SPTLC3: variants seen among roughly 807,000 people sequenced by gnomAD.
SPTLC3 encodes serine palmitoyltransferase long chain base subunit 3.
SPTLC3 carries 36 observed loss-of-function variants against 59.3 expected under a neutral mutation model. The observed-to-expected ratio is 0.61, with a 90% confidence interval of 0.47 to 0.80. SPTLC3 has a LOEUF of 0.80. SPTLC3 is among the 30% of genes least tolerant of loss of function. The pLI is 0.00. For missense variants in SPTLC3, 625 were observed against 685.1 expected (o/e 0.91, Z 0.98); for synonymous variants, 257 against 240.8 (o/e 1.07, Z -0.62).
At chr20:13,015,537 G>A (rs1473112624) in intron 1 of SPTLC3, among the ~76,000 whole-genome samples, 1 of 152,178 alleles carries the variant, frequency 6.6e-6, no homozygotes, top group East Asian at 1.9e-4. Context: ...ACATGTAGAG[G>A]AAGACTCAGG....
chr20:13,117,765 G>A (rs368785202), intron 8 of SPTLC3, 40 bp downstream of exon 8: 81 of 1,549,624 alleles, frequency 5.2e-5, no homozygotes, highest in Admixed American at 5.8e-5. Context: ...AAACCTGAGC[G>A]CCCTGGGGAT....
At chr20:13,083,272 T>C (rs1262718731) in intron 4 of SPTLC3, among the ~76,000 whole-genome samples, 1 of 152,272 alleles carries the variant, frequency 6.6e-6, no homozygotes, top group East Asian at 1.9e-4. Context: ...GGTAAAGATG[T>C]GTATATTCCT....
intron 11 of SPTLC3, 79 bp from the exon 12 acceptor site, chr20:13,164,675 C>A: frequency 9.8e-7 from 1 of 1,018,162 alleles, no homozygotes; most frequent in Non-Finnish European, 1.5e-6. Context: ...CTTTGTGAGG[C>A]TTGCTATTAA....
At chr20:13,012,386 A>G (rs530887979) in intron 1 of SPTLC3, among the ~76,000 whole-genome samples, 7 of 152,138 alleles carry the variant, frequency 4.6e-5, no homozygotes, top group Non-Finnish European at 1.0e-4. Context: ...TTTTTTCACC[A>G]ATACTTATTA....
At chr20:13,064,925 A>G (rs889793193) in intron 2 of SPTLC3, among the ~76,000 whole-genome samples, 2 of 152,140 alleles carry the variant, frequency 1.3e-5, no homozygotes, top group African/African-American at 4.8e-5. Flanking sequence ...CACAATTTTT[A>G]ATCATGACAT....
At chr20:13,095,946 G>A (rs1989396718) in intron 6 of SPTLC3, among the ~76,000 whole-genome samples, 1 of 152,100 alleles carries the variant, frequency 6.6e-6, no homozygotes, top group Non-Finnish European at 1.5e-5. Flanking sequence ...AAAGTGATAA[G>A]TAATATCTTA....
Position 13,093,549 on chromosome 20 carries a change from T to G in SPTLC3, c.798T>G (p.Gly266=), listed in dbSNP as rs771123243. Residue 266 remains glycine, a synonymous_variant, in exon 6 of 12, where the codon GGT becomes GGG. Coordinates refer to ENST00000399002, the MANE Select transcript of SPTLC3 (RefSeq NM_018327.4). The part of the protein sequence containing the change: ...TSLVLGARLS[G]ATIRIFKHNN... ...TTGTGCTTGGGGCCCGACTCTCAGG[T>G]GCAACCATAAGAATCTTCAAACACA... 2 of 1,613,530 alleles carry G rather than the reference T, an allele frequency of 1.2e-6. No individual in the cohort carries two copies. Among genetic ancestry groups the G allele is most frequent in the Non-Finnish European group, 1.7e-6 (2 of 1,179,528 alleles).
intron 4 of SPTLC3, among the ~76,000 whole-genome samples, chr20:13,077,668 C>T (rs1988694315): frequency 6.6e-6 from 1 of 151,992 alleles, no homozygotes; most frequent in South Asian, 2.1e-4. Context: ...AGCTAGTAAA[C>T]TGGGCAACCA....
chr20:13,019,227 T>C (rs1474698919), intron 1 of SPTLC3, among the ~76,000 whole-genome samples: 2 of 152,184 alleles, frequency 1.3e-5, no homozygotes, highest in African/African-American at 4.8e-5. Context: ...TTTCCAACTT[T>C]TAAAAGAAGC....
intron 5 of SPTLC3, among the ~76,000 whole-genome samples, chr20:13,091,601 A>G (rs957287420): frequency 1.0e-4 from 15 of 150,604 alleles, no homozygotes; most frequent in Admixed American, 2.0e-4. Context: ...AAGAAGAAGT[A>G]TGGCTGAGAA....
chr20:13,044,394 G>A (rs560740207), intron 1 of SPTLC3, among the ~76,000 whole-genome samples: 30 of 152,170 alleles, frequency 2.0e-4, no homozygotes, highest in African/African-American at 7.0e-4. Flanking sequence ...GAGCCACAGC[G>A]CCCAGCTGAT....
intron 8 of SPTLC3, among the ~76,000 whole-genome samples, chr20:13,118,639 A>C (rs533021705): frequency 5.9e-5 from 9 of 152,258 alleles, no homozygotes; most frequent in African/African-American, 2.2e-4. Flanking sequence ...TGTCCCAAAG[A>C]GCAGATGTGA....
chr20:13,159,998 T>G lies in SPTLC3; in HGVS notation c.1416-5T>G. 6.3e-7 allele frequency: 1 copy of G among 1,597,902 alleles called. No homozygotes were observed. The highest frequency in any genetic ancestry group is 8.5e-7 in the Non-Finnish European group (1 of 1,170,690). On this transcript the variant is annotated splice_polypyrimidine_tract_variant and splice_region_variant and intron_variant, in intron 10 of 11. Coordinates refer to ENST00000399002, the MANE Select transcript of SPTLC3 (RefSeq NM_018327.4). ...TTTTTTTTTCTTTTTTTGCTTTTCC[T>G]TAAGGGCTTTTGCAAGGCATATGCT...
intron 2 of SPTLC3, among the ~76,000 whole-genome samples, chr20:13,051,667 A>G (rs1987497629): frequency 6.6e-6 from 1 of 152,218 alleles, no homozygotes. Context: ...AACTTTCTCC[A>G]AGATAGACCA....
chr20:13,114,786 T>C (rs1299497216), intron 7 of SPTLC3, among the ~76,000 whole-genome samples: 1 of 152,218 alleles, frequency 6.6e-6, no homozygotes, highest in Non-Finnish European at 1.5e-5. Flanking sequence ...ACCAAGGAGA[T>C]TTTTCCACCA....
At chr20:13,062,286 T>A (rs990576741) in intron 2 of SPTLC3, among the ~76,000 whole-genome samples, 1 of 152,198 alleles carries the variant, frequency 6.6e-6, no homozygotes, top group Non-Finnish European at 1.5e-5. Context: ...TCCACAGTTG[T>A]ATCTGGCAGA....
intron 5 of SPTLC3, among the ~76,000 whole-genome samples, chr20:13,091,571 CAA>C (rs33970207): frequency 9.5e-4 from 131 of 138,568 alleles, no homozygotes; most frequent in African/African-American, 7.5e-4. Context: ...GACTCTGTCT[CAA>C]AAAAAAAAAA....
intron 2 of SPTLC3, among the ~76,000 whole-genome samples, chr20:13,060,988 G>A (rs1987950721): frequency 6.6e-6 from 1 of 152,100 alleles, no homozygotes; most frequent in Non-Finnish European, 1.5e-5. Context: ...TGGGATTGCT[G>A]GATCAAATGG....
chr20:13,116,148 G>T (rs571747312), intron 7 of SPTLC3, among the ~76,000 whole-genome samples: 2 of 151,724 alleles, frequency 1.3e-5, no homozygotes, highest in Non-Finnish European at 2.9e-5. Flanking sequence ...ACCAACACCC[G>T]TTGGTCTGGG....
Sources: allele counts gnomAD v4.1 joint callset (sites outside exome capture counted in the v4.1 genomes callset), GRCh38; gene constraint gnomAD v4.1.1; transcripts MANE v1.5; gene names NCBI Gene and HGNC (gene_info 2026-07-23, HGNC 2026-07-21).